LUZP2: variants seen among roughly 807,000 people sequenced by gnomAD.
LUZP2 encodes leucine zipper protein 2.
In LUZP2, 52 loss-of-function variants were observed where a neutral mutation model predicts 51.6. The ratio of observed to expected loss-of-function variants is 1.01; its 90% CI spans 0.81 to 1.27. The LOEUF (loss-of-function observed/expected upper bound fraction) is 1.27. LUZP2 is among the 50% of genes most tolerant of loss of function. The pLI is 0.00. For missense variants in LUZP2, 436 were observed against 395.4 expected, an observed-to-expected ratio of 1.10 and a Z score of -0.87; for synonymous variants, 154 against 137.3, an observed-to-expected ratio of 1.12 and a Z score of -0.85.
At chr11:24,959,469 A>C (rs1855326112) in intron 7 of LUZP2, among the ~76,000 whole-genome samples, 2 of 152,052 alleles carry the variant, frequency 1.3e-5, no homozygotes, top group African/African-American at 4.8e-5. Flanking sequence ...GAGGTCCTTC[A>C]CGTCCCTTGT....
chr11:25,024,189 T>C (rs895805551), intron 9 of LUZP2, among the ~76,000 whole-genome samples: 2 of 152,106 alleles, frequency 1.3e-5, no homozygotes, highest in African/African-American at 4.8e-5. Flanking sequence ...TGGATATCCT[T>C]GTTAACTTTC....
At chr11:24,668,700 T>A (rs141232550) in intron 1 of LUZP2, among the ~76,000 whole-genome samples, 31 of 152,218 alleles carry the variant, frequency 2.0e-4, no homozygotes, top group African/African-American at 7.2e-4. Context: ...GGGGAATAGA[T>A]AAAACAAATG....
At chr11:24,804,328 A>G (rs1021170015) in intron 5 of LUZP2, among the ~76,000 whole-genome samples, 1 of 152,156 alleles carries the variant, frequency 6.6e-6, no homozygotes, top group Non-Finnish European at 1.5e-5. Flanking sequence ...AATGTTATAG[A>G]AATTTTAGGG....
At chr11:24,539,630 A>C (rs1171934886) in intron 1 of LUZP2, among the ~76,000 whole-genome samples, 1 of 152,026 alleles carries the variant, frequency 6.6e-6, no homozygotes, top group Non-Finnish European at 1.5e-5. Context: ...ATATTATTTA[A>C]ACTATCTATG....
chr11:24,793,743 C>T (rs1055461107), intron 5 of LUZP2, among the ~76,000 whole-genome samples: 4 of 152,166 alleles, frequency 2.6e-5, no homozygotes, highest in East Asian at 3.9e-4. Context: ...CTAGTAATTA[C>T]GTATAAGTCT....
intron 5 of LUZP2, among the ~76,000 whole-genome samples, chr11:24,850,086 C>A (rs977237973): frequency 6.6e-6 from 1 of 151,936 alleles, no homozygotes; most frequent in Non-Finnish European, 1.5e-5. Context: ...CTGTTCACTT[C>A]GATGATAGTT....
chr11:24,965,607 GTGTC>G (rs1465396316), intron 7 of LUZP2, among the ~76,000 whole-genome samples: 2 of 151,728 alleles, frequency 1.3e-5, no homozygotes, highest in African/African-American at 2.4e-5. Context: ...AATTTAGAAA[GTGTC>G]TGTCTAGTCA....
rs536315074 is a variant in LUZP2, at chr11:24,774,535, TAA to T, written c.396+11229_396+11230del. Among the ~76,000 whole-genome samples, 372 of 79,070 alleles carry T rather than the reference TAA, an allele frequency of 4.7e-3. 3 individuals are homozygous for T. The highest frequency in any genetic ancestry group is 0.02 in the African/African-American group (281 of 14,342). The allele number at this position is 79,070 out of a possible 152,430, so 51.9% of individuals were successfully genotyped here. On this transcript the variant is annotated intron_variant, in intron 5 of 11. Coordinates refer to ENST00000336930, the MANE Select transcript of LUZP2 (RefSeq NM_001009909.4). ...ATTCTATATATATGTAGAATATATA[TAA>T]AGAATATATATAGAATATATTCTAT...
intron 1 of LUZP2, among the ~76,000 whole-genome samples, chr11:24,501,958 C>T (rs1386555462): frequency 1.3e-5 from 2 of 152,126 alleles, no homozygotes; most frequent in African/African-American, 4.8e-5. Flanking sequence ...TTGTGATCAA[C>T]CTCAATATCC....
chr11:24,715,949 A>T (rs1410398364), intron 1 of LUZP2, among the ~76,000 whole-genome samples: 1 of 152,064 alleles, frequency 6.6e-6, no homozygotes, highest in Non-Finnish European at 1.5e-5. Context: ...ATCATTTACT[A>T]TCTGTCTTTG....
At position 24,500,099 on chromosome 11, in the gene LUZP2, A is replaced by G. The variant is rs139790195; in HGVS notation, c.62+2794A>G. ...AGCAACTTTAGATGCTGAAGCACAA[A>G]ATCCCATAATTTAATCACAGTGAAC... On this transcript the variant is annotated intron_variant, in intron 1 of 11. Transcript: ENST00000336930. Among the ~76,000 whole-genome samples, 425 of 152,228 alleles carry G rather than the reference A, an allele frequency of 2.8e-3. 3 individuals are homozygous for G. Among genetic ancestry groups the G allele is most frequent in the African/African-American group, 9.3e-3 (386 of 41,528 alleles).
At position 24,497,191 on chromosome 11, in the gene LUZP2, C is replaced by T; in HGVS notation, c.-53C>T. 1 of 1,488,818 alleles carries T rather than the reference C, an allele frequency of 6.7e-7. No individual in the cohort carries two copies. The highest frequency in any genetic ancestry group is 2.0e-5 in the Admixed American group (1 of 50,472). 92.2% of individuals were successfully genotyped at this position (1,488,818 alleles called of 1,614,324 possible). A position where few individuals can be genotyped will look rare whatever the true frequency, so the allele number is the denominator to read the frequency against. ...CGGGCACCAAGGAGCGACAGGATCC[C>T]GAAGAGAGAGAGAGAAGGCAGCGAG... On this transcript the variant is annotated 5_prime_UTR_variant, in exon 1 of 12. Transcript: ENST00000336930.
intron 1 of LUZP2, among the ~76,000 whole-genome samples, chr11:24,711,260 T>C (rs935369980): frequency 3.6e-5 from 5 of 139,520 alleles, no homozygotes; most frequent in Non-Finnish European, 4.7e-5. Context: ...CCATCCTGGC[T>C]AACACGGTGA....
In LUZP2 at chr11:24,627,388, A is replaced by T. The variant is rs138717172; in HGVS notation, c.63-101781A>T. On this transcript the variant is annotated intron_variant, in intron 1 of 11. Transcript: ENST00000336930. ...CAGAAATGTCAGTGCTCATTCAGGC[A>T]CTGTTGTGGGGGACCAGGCTTTTTC... Among the ~76,000 whole-genome samples the T allele has an allele frequency of 8.5e-3, 1,288 of 152,314 alleles. 10 individuals carry two copies. The highest frequency in any genetic ancestry group is 0.018 in the South Asian group (85 of 4,818).
chr11:24,921,252 A>G (rs1854044565), intron 7 of LUZP2, among the ~76,000 whole-genome samples: 2 of 152,260 alleles, frequency 1.3e-5, no homozygotes, highest in Admixed American at 1.3e-4. Flanking sequence ...GTGCGGCAGA[A>G]AAGTGGTTGC....
intron 1 of LUZP2, among the ~76,000 whole-genome samples, chr11:24,602,140 A>ATATG (rs1565020445): frequency 1.0e-3 from 82 of 78,574 alleles, no homozygotes; most frequent in African/African-American, 4.9e-3. Context: ...ATGTGTATAT[A>ATATG]TGTATATATG....
intron 5 of LUZP2, among the ~76,000 whole-genome samples, chr11:24,841,098 A>G (rs1851014482): frequency 6.6e-6 from 1 of 151,950 alleles, no homozygotes; most frequent in Non-Finnish European, 1.5e-5. Flanking sequence ...GTCCCCCAAA[A>G]TTCATATGTT....
intron 5 of LUZP2, among the ~76,000 whole-genome samples, chr11:24,831,289 T>TA (rs1850697364): frequency 6.6e-6 from 1 of 152,004 alleles, no homozygotes; most frequent in African/African-American, 2.4e-5. Flanking sequence ...AAGGCAGAGA[T>TA]ATTCAGCTCT....
At chr11:24,850,743 T>C (rs1298094643) in intron 5 of LUZP2, among the ~76,000 whole-genome samples, 1 of 152,236 alleles carries the variant, frequency 6.6e-6, no homozygotes, top group African/African-American at 2.4e-5. Context: ...TGATTCTTCC[T>C]ATCCATGAGC....
Sources: allele counts gnomAD v4.1 joint callset (sites outside exome capture counted in the v4.1 genomes callset), GRCh38; gene constraint gnomAD v4.1.1; transcripts MANE v1.5; gene names NCBI Gene and HGNC (gene_info 2026-07-23, HGNC 2026-07-21).